Variants in LAMA1 observed in about 807,000 individuals in gnomAD.
The protein encoded by LAMA1 is laminin subunit alpha 1, also known as laminin subunit alpha-1.
LAMA1 carries 219 observed loss-of-function variants against 348.7 expected under a neutral mutation model. The ratio of observed to expected loss-of-function variants is 0.63; its 90% CI spans 0.56 to 0.70. The LOEUF is 0.70. Ranked by LOEUF, LAMA1 falls within the 30% of genes least tolerant of loss-of-function variation. The pLI is 0.00. For missense variants in LAMA1, 3,744 were observed against 3,888.0 expected, an observed-to-expected ratio of 0.96 and a Z score of 0.99; for synonymous variants, 1,487 against 1,491.0, an observed-to-expected ratio of 1.00 and a Z score of 0.06.
At chr18:7,080,699 C>CA (rs1418904708) in intron 1 of LAMA1, among the ~76,000 whole-genome samples, 1 of 152,024 alleles carries the variant, frequency 6.6e-6, no homozygotes, top group Non-Finnish European at 1.5e-5. Context: ...GACTATGAAA[C>CA]GACAGAGGAA....
At chr18:6,977,590 A>T in intron 44 of LAMA1, 137 bp downstream of exon 44, 1 of 909,216 alleles carries the variant, frequency 1.1e-6, no homozygotes, top group Non-Finnish European at 1.7e-6. Context: ...GGCTATGAGG[A>T]AGCCCAGATT....
intron 44 of LAMA1, 103 bp downstream of exon 44, chr18:6,977,624 C>T (rs1362080067): frequency 7.3e-7 from 1 of 1,371,622 alleles, no homozygotes; most frequent in Non-Finnish European, 1.0e-6. Context: ...TCTTTGGAAG[C>T]CCTAAGGGGC....
At chr18:6,988,586 G>A (rs530447003) in intron 36 of LAMA1, among the ~76,000 whole-genome samples, 6 of 152,246 alleles carry the variant, frequency 3.9e-5, no homozygotes, top group Admixed American at 2.0e-4. Context: ...GATCACCTGA[G>A]GTCAGGAGTC....
At chr18:7,000,994 T>G (rs1196773045) in intron 30 of LAMA1, among the ~76,000 whole-genome samples, 3 of 152,226 alleles carry the variant, frequency 2.0e-5, no homozygotes, top group African/African-American at 7.2e-5. Flanking sequence ...ACTTTGGGGA[T>G]GTTTATAACC....
At position 6,947,261 on chromosome 18, in the gene LAMA1, T is replaced by C. The variant is rs1431181032; in HGVS notation, c.8746A>G (p.Ile2916Val). Residue 2916 changes from isoleucine (I) to valine (V), a missense_variant, in exon 61 of 63, where the codon ATC becomes GTC. This residue lies in a region of LAMA1 where 232 missense variants were observed against 264.4 expected (regional missense o/e 0.88). Transcript: ENST00000389658. ...EGYKVQSDVNITLEFRTSSQN... is the reference protein window; with the variant it reads ...EGYKVQSDVNVTLEFRTSSQN... ...GAGGAGGTTCGAAACTCCAGTGTGA[T>C]GTTCACATCTGACTGGACTTTGTAG... 35 of 1,614,058 alleles carry C rather than the reference T, an allele frequency of 2.2e-5. No individual in the cohort carries two copies. Among genetic ancestry groups the C allele is most frequent in the Non-Finnish European group, 2.9e-5 (34 of 1,180,034 alleles).
At chr18:7,062,419 G>A (rs35592477) in intron 3 of LAMA1, among the ~76,000 whole-genome samples, 49,580 of 151,776 alleles carry the variant, frequency 0.33, 9,124 homozygotes, top group South Asian at 0.49. Flanking sequence ...GGAGAGAGCC[G>A]GCGGGCGCCT....
At chr18:7,002,994 C>T (rs565688812) in intron 29 of LAMA1, among the ~76,000 whole-genome samples, 1 of 152,052 alleles carries the variant, frequency 6.6e-6, no homozygotes, top group South Asian at 2.1e-4. Context: ...GATTCTCCTG[C>T]CTCAGCCTCT....
At chr18:7,078,252 T>C (rs575597976) in intron 3 of LAMA1, among the ~76,000 whole-genome samples, 39 of 150,028 alleles carry the variant, frequency 2.6e-4, no homozygotes, top group African/African-American at 6.1e-4. Flanking sequence ...CTGCAACCTC[T>C]GCCTCCTGGG....
chr18:7,070,184 T>C (rs892778382), intron 3 of LAMA1, among the ~76,000 whole-genome samples: 1 of 152,184 alleles, frequency 6.6e-6, no homozygotes, highest in African/African-American at 2.4e-5. Context: ...TTCCAATCTA[T>C]TTATTTTACC....
chr18:6,961,594 C>T lies in LAMA1; in HGVS notation c.7618G>A (p.Ala2540Thr), dbSNP rs1438338760. The part of the protein sequence containing the change: ...DVEKRGDREE[A>T]HVPFFSVMLI... ...GCACTGGCCCTACTCACCACGTGTG[C>T]TTCCTCACGATCACCCCGCTTCTCC... The change falls in exon 53 of 63, where the codon GCA (alanine) becomes ACA (threonine). Residue 2540 changes from alanine (A) to threonine (T), a missense_variant. Transcript: ENST00000389658. 1.2e-6 allele frequency: 2 copies of T among 1,613,474 alleles called. No individual in the cohort carries two copies. Among genetic ancestry groups the T allele is most frequent in the Non-Finnish European group, 1.7e-6 (2 of 1,180,022 alleles).
intron 1 of LAMA1, among the ~76,000 whole-genome samples, chr18:7,089,581 C>T (rs1598314292): frequency 6.6e-6 from 1 of 152,220 alleles, no homozygotes; most frequent in Non-Finnish European, 1.5e-5. Context: ...CAGGCGAAGG[C>T]CCAATGACCT....
At chr18:6,953,507 C>A (rs2143984340) in intron 57 of LAMA1, among the ~76,000 whole-genome samples, 1 of 152,252 alleles carries the variant, frequency 6.6e-6, no homozygotes, top group South Asian at 2.1e-4. Flanking sequence ...TTCAGGCAAC[C>A]ACTGGGGGTC....
Position 6,951,117 on chromosome 18 carries a change from T to TAGGG in LAMA1, c.8208-147_8208-146insCCCT, listed in dbSNP as rs969572229. 4.0e-6 allele frequency: 3 copies of TAGGG among 747,902 alleles called. No homozygotes were observed. The African/African-American group carries it at 5.2e-5, about 13-fold the overall frequency. 46.3% of individuals were successfully genotyped at this position (747,902 alleles called of 1,614,324 possible). A position where few individuals can be genotyped will look rare whatever the true frequency, so the allele number is the denominator to read the frequency against. On this transcript the variant is annotated intron_variant, in intron 57 of 62. Transcript: ENST00000389658. ...ATTCATTCCTTCATCCATTTACACA[T>TAGGG]CCATTCATATAATGAGTTATTAGTG...
Position 7,034,544 on chromosome 18 carries a change from G to C in LAMA1, c.1986C>G (p.Val662=). The change falls in exon 14 of 63, where the codon GTC becomes GTG. Residue 662 remains valine, a synonymous_variant. Coordinates refer to ENST00000389658, the MANE Select transcript of LAMA1 (RefSeq NM_005559.4). The part of the protein sequence containing the change: ...RQIDRDQLMT[V]LANVTHLLIR... Reference sequence around the variant, plus strand: ...TCAAAAGATGTGTCACATTGGCAAGGACAGTCATCAGCTGGTCACGATCAA... The same window carrying C: ...TCAAAAGATGTGTCACATTGGCAAGCACAGTCATCAGCTGGTCACGATCAA... The C allele has an allele frequency of 6.2e-7, 1 of 1,614,094 alleles. No individual in the cohort carries two copies. The highest frequency in any genetic ancestry group is 8.5e-7 in the Non-Finnish European group (1 of 1,180,026).
rs538027558 is a variant in LAMA1, at chr18:6,944,079, G to C, written c.8845-677C>G. Among the ~76,000 whole-genome samples the C allele has an allele frequency of 2.6e-5, 4 of 151,964 alleles. No homozygotes were observed. The East Asian group carries it at 5.9e-4, about 22-fold the overall frequency. On this transcript the variant is annotated intron_variant, in intron 61 of 62. Transcript: ENST00000389658. ...TGTCCAGGCTGGAGTGCAGTGGCGC[G>C]GTCTTGGCTTACTGCAAACTCCACC...
intron 34 of LAMA1, 117 bp downstream of exon 34, chr18:6,995,240 G>C (rs1309623216): frequency 5.2e-6 from 4 of 769,164 alleles, no homozygotes; most frequent in Non-Finnish European, 9.5e-6. Context: ...ACAGCTCGTG[G>C]GAGGAAGAGG....
At position 7,026,058 on chromosome 18, in the gene LAMA1, C is replaced by T. The variant is rs28369373; in HGVS notation, c.2323G>A (p.Gly775Ser). 1.1e-4 allele frequency: 183 copies of T among 1,610,516 alleles called. 1 individual carries two copies. The highest frequency in any genetic ancestry group is 6.4e-4 in the African/African-American group (48 of 74,978). ...CCTCGGGAAGGCTCCCCGTAGAAGC[C>T]GGGCAAGCACTGCTCACAGTGGACG... ...TGVHCEQCLP[G>S]FYGEPSRGTP... is the part of the protein sequence containing the mutation. The change falls in exon 17 of 63, where the codon GGC (glycine) becomes AGC (serine). Residue 775 changes from glycine (G) to serine (S), a missense_variant. By Grantham distance (56) the Gly-to-Ser change is moderately conservative. Transcript: ENST00000389658.
At chr18:6,992,228 T>C (rs1212500858) in intron 36 of LAMA1, among the ~76,000 whole-genome samples, 6 of 152,242 alleles carry the variant, frequency 3.9e-5, no homozygotes, top group Admixed American at 3.9e-4. Flanking sequence ...TTTTTTTCTA[T>C]GAGAGTTTAC....
In LAMA1 at chr18:6,956,661, A is replaced by G; in HGVS notation, c.8069T>C (p.Leu2690Pro). 1 of 1,614,138 alleles carries G rather than the reference A, an allele frequency of 6.2e-7. No homozygotes were observed. Among genetic ancestry groups the G allele is most frequent in the Non-Finnish European group, 8.5e-7 (1 of 1,180,022 alleles). ...TGGAAAAGCCCGGGGCTCTGGCAAGAGCTTGCTGTCCTCTGCATCGGGAGC... is the reference window on the plus strand; with the variant it reads ...TGGAAAAGCCCGGGGCTCTGGCAAGGGCTTGCTGTCCTCTGCATCGGGAGC... ...KLAPDAEDSK[L>P]LPEPRAFPEQ... Residue 2690 changes from leucine to proline, a missense_variant, in exon 56 of 63, where the codon CTC becomes CCC. Coordinates refer to ENST00000389658, the MANE Select transcript of LAMA1 (RefSeq NM_005559.4).
Sources: allele counts gnomAD v4.1 joint callset (sites outside exome capture counted in the v4.1 genomes callset), GRCh38; gene constraint gnomAD v4.1.1; regional missense constraint gnomAD v4.1.1; transcripts MANE v1.5; gene names NCBI Gene and HGNC (gene_info 2026-07-23, HGNC 2026-07-21).